FSD1L: variants seen among roughly 807,000 people sequenced by gnomAD.
FSD1L encodes the protein fibronectin type III and SPRY domain containing 1 like.
Under a neutral mutation model 71.6 loss-of-function variants are expected in FSD1L, and 45 were observed. That is an observed-to-expected ratio of 0.63 (90% CI 0.49 to 0.81). The LOEUF is 0.81. Ranked by LOEUF, FSD1L falls within the 30% of genes least tolerant of loss-of-function variation. The pLI is 0.00. For synonymous variants in FSD1L, 197 were observed against 207.2 expected (o/e 0.95, Z 0.42); for missense variants, 561 against 618.1 (o/e 0.91, Z 0.98).
At chr9:105,508,526 C>T (rs985432200) in intron 8 of FSD1L, 91 bp from the exon 9 acceptor site, 79 of 722,878 alleles carry the variant, frequency 1.1e-4, no homozygotes, top group East Asian at 1.0e-3. Context: ...TACAGAGACA[C>T]GGTTCTTAAT....
chr9:105,546,454 A>G lies in FSD1L; in HGVS notation c.1564A>G (p.Ser522Gly), dbSNP rs972986077. Residue 522 changes from serine to glycine, a missense_variant, in exon 14 of 14, where the codon AGC becomes GGC. By Grantham distance (56) the Ser-to-Gly change is moderately conservative. This residue lies in a region of FSD1L where 98 missense variants were observed against 102.3 expected (regional missense o/e 0.96). Transcript: ENST00000481272. ...KSENGMTGSA[S>G]SLNNVVTQ Reference sequence around the variant, plus strand: ...TGAAAATGGAATGACTGGTTCAGCTAGCAGCCTGAACAATGTTGTTACTCA... The same window carrying G: ...TGAAAATGGAATGACTGGTTCAGCTGGCAGCCTGAACAATGTTGTTACTCA... 5 of 1,549,584 alleles carry G rather than the reference A, an allele frequency of 3.2e-6. No homozygotes were observed. The Admixed American group carries it at 7.9e-5, about 24-fold the overall frequency.
intron 6 of FSD1L, among the ~76,000 whole-genome samples, chr9:105,481,146 TGTG>T (rs1832152344): frequency 1.7e-5 from 2 of 116,948 alleles, no homozygotes; most frequent in Admixed American, 8.8e-5. Context: ...AAACTCTGTG[TGTG>T]TGTGTGTGTG....
intron 10 of FSD1L, among the ~76,000 whole-genome samples, chr9:105,517,313 A>T (rs1242376061): frequency 6.6e-6 from 1 of 152,184 alleles, no homozygotes; most frequent in Non-Finnish European, 1.5e-5. Context: ...CAAATTCAAG[A>T]AATACAGAGA....
At chr9:105,462,410 A>G (rs768774017) in intron 2 of FSD1L, among the ~76,000 whole-genome samples, 7 of 151,360 alleles carry the variant, frequency 4.6e-5, no homozygotes, top group Non-Finnish European at 7.4e-5. Context: ...TAGTAGAGAC[A>G]GGGTTTCGCC....
intron 12 of FSD1L, among the ~76,000 whole-genome samples, chr9:105,538,589 G>A (rs150093506): frequency 4.4e-4 from 67 of 152,000 alleles, no homozygotes; most frequent in African/African-American, 1.5e-3. Context: ...CAGACAGACA[G>A]TTTTTTTTAG....
At chr9:105,523,264 C>G in intron 10 of FSD1L, 1 of 1,605,544 alleles carries the variant, frequency 6.2e-7, no homozygotes. Flanking sequence ...CAGACTCCTT[C>G]CCCTTCTACA....
chr9:105,514,659 C>G (rs1402316455), intron 10 of FSD1L, among the ~76,000 whole-genome samples: 1 of 152,112 alleles, frequency 6.6e-6, no homozygotes, highest in Non-Finnish European at 1.5e-5. Flanking sequence ...AATAATCAAG[C>G]CTTTATTGAT....
rs955408066 is a variant in FSD1L at position 105,546,631 on chromosome 9, C to T, written c.*148C>T. The stretch of plus-strand genomic sequence containing the variant: ...ATCTTTTATCATTAAACACCTAGTA[C>T]GAAGCATTTGCAGGAACCTACTGTG... On this transcript the variant is annotated 3_prime_UTR_variant, in exon 14 of 14. Transcript: ENST00000481272. 1.8e-5 allele frequency: 12 copies of T among 680,024 alleles called. No homozygotes were observed. Among genetic ancestry groups the T allele is most frequent in the East Asian group, 6.3e-5 (2 of 31,804 alleles). 42.1% of individuals were successfully genotyped at this position (680,024 alleles called of 1,614,324 possible).
chr9:105,464,355 TTG>T lies in FSD1L; in HGVS notation c.207+28_207+29del, dbSNP rs1250843083. 2.4e-6 allele frequency: 3 copies of T among 1,229,754 alleles called. No homozygotes were observed. In the African/African-American group the frequency reaches 4.7e-5, roughly 19 times the overall value. The allele number at this position is 1,229,754 out of a possible 1,614,324, so 76.2% of individuals were successfully genotyped here. A position where few individuals can be genotyped will look rare whatever the true frequency, so the allele number is the denominator to read the frequency against. ...AGGTATGATTGTTTTATGAAAAATT[TTG>T]TGTAAATATGTCACAATGAGCCAAA... On this transcript the variant is annotated intron_variant, in intron 3 of 13. Transcript: ENST00000481272.
intron 8 of FSD1L, among the ~76,000 whole-genome samples, chr9:105,507,062 G>A (rs1411828245): frequency 2.0e-5 from 3 of 152,104 alleles, no homozygotes; most frequent in African/African-American, 7.2e-5. Context: ...TATATGAAGG[G>A]ATATTCTGAA....
intron 6 of FSD1L, among the ~76,000 whole-genome samples, chr9:105,480,167 G>A (rs1832075690): frequency 6.6e-6 from 1 of 152,154 alleles, no homozygotes; most frequent in African/African-American, 2.4e-5. Flanking sequence ...GCTCTTCAAA[G>A]TGCCACTCCA....
At chr9:105,463,245 C>T (rs971257724) in intron 2 of FSD1L, among the ~76,000 whole-genome samples, 2 of 152,066 alleles carry the variant, frequency 1.3e-5, no homozygotes, top group Admixed American at 1.3e-4. Context: ...TTAGGAAAAC[C>T]TTTATTCCAC....
intron 7 of FSD1L, among the ~76,000 whole-genome samples, chr9:105,489,718 A>G (rs1489419899): frequency 1.3e-5 from 2 of 151,878 alleles, no homozygotes; most frequent in Non-Finnish European, 2.9e-5. Context: ...ATGTGTTCTC[A>G]TTGTTCAATT....
At chr9:105,518,654 T>A (rs1791513070) in intron 10 of FSD1L, among the ~76,000 whole-genome samples, 1 of 152,180 alleles carries the variant, frequency 6.6e-6, no homozygotes, top group African/African-American at 2.4e-5. Context: ...TGGGACACAT[T>A]CAAAGCAGTG....
At chr9:105,544,869 C>T (rs1190842406) in intron 13 of FSD1L, among the ~76,000 whole-genome samples, 2 of 152,122 alleles carry the variant, frequency 1.3e-5, no homozygotes, top group Non-Finnish European at 2.9e-5. Context: ...GTGATGCCTC[C>T]AGCTTTGTTC....
At chr9:105,481,487 C>T (rs1306227907) in intron 6 of FSD1L, among the ~76,000 whole-genome samples, 4 of 151,818 alleles carry the variant, frequency 2.6e-5, no homozygotes, top group African/African-American at 9.7e-5. Context: ...GATGGGGTTT[C>T]ACCATGTTGG....
intron 10 of FSD1L, chr9:105,525,099 C>T (rs930571463): frequency 1.5e-5 from 23 of 1,552,824 alleles, no homozygotes; most frequent in Non-Finnish European, 1.8e-5. Context: ...CTGTATGGCC[C>T]ACCTCCTGTA....
Position 105,448,218 on chromosome 9 carries a change from G to T in FSD1L, c.-3G>T, listed in dbSNP as rs1044292820. 6.5e-7 allele frequency: 1 copy of T among 1,538,398 alleles called. No homozygotes were observed. The highest frequency in any genetic ancestry group is 2.6e-5 in the East Asian group (1 of 39,148). Reference sequence around the variant, plus strand: ...TCGAGCCCAGTGGGCTTAGCCACTCGCCATGGACTCCCAGAAAGTAAGCGG... The same window carrying T: ...TCGAGCCCAGTGGGCTTAGCCACTCTCCATGGACTCCCAGAAAGTAAGCGG... On this transcript the variant is annotated 5_prime_UTR_variant, in exon 1 of 14. Transcript: ENST00000481272.
intron 2 of FSD1L, among the ~76,000 whole-genome samples, 167 bp from the exon 3 acceptor site, chr9:105,464,068 CT>C (rs1281555577): frequency 1.3e-5 from 2 of 152,122 alleles, no homozygotes; most frequent in Non-Finnish European, 2.9e-5. Context: ...TATACCCCAT[CT>C]TTTCTAATTA....
Sources: gnomAD v4.1 joint callset for allele counts (sites outside exome capture counted in the v4.1 genomes callset) on GRCh38, gnomAD v4.1.1 for gene constraint, gnomAD v4.1.1 regional missense constraint, MANE v1.5 for transcripts, NCBI Gene and HGNC (gene_info 2026-07-23, HGNC 2026-07-21) for gene names.